LRRC4C: variants seen among roughly 807,000 people sequenced by gnomAD.
LRRC4C encodes leucine-rich repeat-containing protein 4C.
In LRRC4C, 5 loss-of-function variants were observed where a neutral mutation model predicts 33.6. That is an observed-to-expected ratio of 0.15 (90% confidence interval 0.08 to 0.31). The LOEUF (loss-of-function observed/expected upper bound fraction) is 0.31. Ranked by LOEUF, LRRC4C falls within the 10% of genes least tolerant of loss-of-function variation. The pLI is 1.00. For missense variants in LRRC4C, 560 were observed against 796.7 expected (o/e 0.70, Z 3.58); for synonymous variants, 329 against 302.0 (o/e 1.09, Z -0.93).
chr11:41,083,968 G>A (rs1939768970), intron 1 of LRRC4C, among the ~76,000 whole-genome samples: 2 of 152,210 alleles, frequency 1.3e-5, no homozygotes, highest in South Asian at 4.1e-4. Context: ...GTATCACAGA[G>A]ACGATGTCTC....
intron 4 of LRRC4C, among the ~76,000 whole-genome samples, chr11:40,269,077 G>T (rs760874462): frequency 7.2e-5 from 11 of 152,084 alleles, no homozygotes; most frequent in Admixed American, 1.3e-4. Flanking sequence ...CCTCAAGTAG[G>T]ATTATTTTGA....
intron 1 of LRRC4C, among the ~76,000 whole-genome samples, chr11:41,061,098 A>T (rs1937733692): frequency 6.6e-6 from 1 of 152,136 alleles, no homozygotes; most frequent in African/African-American, 2.4e-5. Flanking sequence ...TTTCTTCTAA[A>T]TATTTTATAT....
At chr11:40,604,114 G>T (rs548407921) in intron 3 of LRRC4C, among the ~76,000 whole-genome samples, 121 of 152,016 alleles carry the variant, frequency 8.0e-4, no homozygotes, top group African/African-American at 2.9e-3. Context: ...CAACCACAAA[G>T]ACCCAACTTG....
In LRRC4C at chr11:41,196,884, C is replaced by T. The variant is rs1438150564; in HGVS notation, c.-496+262547G>A. On this transcript the variant is annotated intron_variant, in intron 1 of 6. Transcript: ENST00000528697. Reference sequence around the variant, plus strand: ...AGTAACTCCTGTTCCCAACTTTCTGCAGGTAGAAAACTAAATGCCTGATAA... The same window carrying T: ...AGTAACTCCTGTTCCCAACTTTCTGTAGGTAGAAAACTAAATGCCTGATAA... Among the ~76,000 whole-genome samples, 3 of 152,152 alleles carry T rather than the reference C, an allele frequency of 2.0e-5. No individual in the cohort carries two copies. In the South Asian group the frequency reaches 6.2e-4, roughly 32 times the overall value.
chr11:41,310,111 T>C (rs932905013), intron 1 of LRRC4C, among the ~76,000 whole-genome samples: 2 of 152,232 alleles, frequency 1.3e-5, no homozygotes. Flanking sequence ...TTTAATTTGA[T>C]ACACTAGTAT....
intron 1 of LRRC4C, among the ~76,000 whole-genome samples, chr11:41,055,376 A>G (rs954637981): frequency 6.6e-6 from 1 of 152,186 alleles, no homozygotes; most frequent in Non-Finnish European, 1.5e-5. Flanking sequence ...TATTATAAAC[A>G]TGGAGATTAG....
intron 3 of LRRC4C, among the ~76,000 whole-genome samples, chr11:40,646,675 C>T (rs544314225): frequency 2.0e-5 from 3 of 152,188 alleles, no homozygotes; most frequent in Admixed American, 6.5e-5. Context: ...GGCACTATCT[C>T]GGCTCACTGC....
chr11:40,469,102 T>G (rs1952795848), intron 3 of LRRC4C, among the ~76,000 whole-genome samples: 1 of 152,154 alleles, frequency 6.6e-6, no homozygotes, highest in South Asian at 2.1e-4. Flanking sequence ...GATGGCTGAA[T>G]AGGAACAGCT....
intron 1 of LRRC4C, among the ~76,000 whole-genome samples, chr11:41,324,788 A>G (rs540308383): frequency 6.6e-6 from 1 of 152,202 alleles, no homozygotes; most frequent in Non-Finnish European, 1.5e-5. Context: ...CTCAGAAGGA[A>G]GTAAGCTGTG....
At chr11:40,155,383 A>C (rs1393061434) in intron 5 of LRRC4C, among the ~76,000 whole-genome samples, 1 of 152,082 alleles carries the variant, frequency 6.6e-6, no homozygotes, top group Admixed American at 6.6e-5. Flanking sequence ...TGAAATTGAA[A>C]TTAAAAAAAT....
intron 1 of LRRC4C, among the ~76,000 whole-genome samples, chr11:40,934,807 C>A (rs1456312731): frequency 6.6e-6 from 1 of 151,976 alleles, no homozygotes; most frequent in Non-Finnish European, 1.5e-5. Context: ...TATATTTTAG[C>A]CCAGCCAACT....
chr11:40,981,411 C>T (rs1852527084), intron 1 of LRRC4C, among the ~76,000 whole-genome samples: 1 of 145,818 alleles, frequency 6.9e-6, no homozygotes, highest in African/African-American at 2.6e-5. Context: ...AAGACTCCGT[C>T]TCAAAAAAAA....
intron 1 of LRRC4C, among the ~76,000 whole-genome samples, chr11:41,024,825 T>C (rs1856229874): frequency 6.6e-6 from 1 of 151,756 alleles, no homozygotes; most frequent in Non-Finnish European, 1.5e-5. Flanking sequence ...CAACCCTGTG[T>C]TGGGCAAATT....
intron 4 of LRRC4C, among the ~76,000 whole-genome samples, chr11:40,271,592 T>A (rs1333660072): frequency 2.0e-5 from 3 of 152,196 alleles, no homozygotes; most frequent in Non-Finnish European, 2.9e-5. Context: ...CTTCGATGAA[T>A]GTAGGCTTTG....
intron 1 of LRRC4C, among the ~76,000 whole-genome samples, chr11:41,189,288 T>C (rs1176924526): frequency 6.6e-6 from 1 of 152,134 alleles, no homozygotes; most frequent in African/African-American, 2.4e-5. Context: ...AAATCCTTTC[T>C]GAGGAAGTGG....
At chr11:40,777,745 T>A (rs1950064550) in intron 2 of LRRC4C, among the ~76,000 whole-genome samples, 1 of 151,954 alleles carries the variant, frequency 6.6e-6, no homozygotes, top group African/African-American at 2.4e-5. Flanking sequence ...TGGAGTGCAG[T>A]GGCATGATCT....
chr11:40,308,372 T>C (rs770467221), intron 4 of LRRC4C, among the ~76,000 whole-genome samples: 124 of 152,294 alleles, frequency 8.1e-4, no homozygotes, highest in African/African-American at 2.8e-3. Context: ...CTTCATAGCA[T>C]TGTAAATATG....
chr11:40,711,070 G>C (rs920300707), intron 2 of LRRC4C, among the ~76,000 whole-genome samples: 4 of 152,214 alleles, frequency 2.6e-5, no homozygotes, highest in African/African-American at 4.8e-5. Flanking sequence ...TTAGGTGGCA[G>C]TGTCCCGATT....
chr11:40,243,492 C>T (rs1247434382), intron 4 of LRRC4C, among the ~76,000 whole-genome samples: 2 of 152,102 alleles, frequency 1.3e-5, no homozygotes, highest in Non-Finnish European at 2.9e-5. Flanking sequence ...GTATGTCTCA[C>T]AACTAGTTAG....
Sources: allele counts gnomAD v4.1 joint callset (sites outside exome capture counted in the v4.1 genomes callset), GRCh38; gene constraint gnomAD v4.1.1; transcripts MANE v1.5; gene names NCBI Gene and HGNC (gene_info 2026-07-23, HGNC 2026-07-21).